PXYLP1: variants seen among roughly 807,000 people sequenced by gnomAD.
PXYLP1 encodes 2-phosphoxylose phosphatase 1, also known as acid phosphatase-like 2.
In PXYLP1, 17 loss-of-function variants were observed where a neutral mutation model predicts 37.9. The observed-to-expected ratio is 0.45, with a 90% confidence interval of 0.31 to 0.67. The LOEUF is 0.67. Among genes scored for constraint, PXYLP1 ranks in the 30% least tolerant of loss-of-function variants. The probability of loss-of-function intolerance (pLI) is 0.07; values close to 1 mark genes in which losing one functional copy is unlikely to be tolerated. For missense variants in PXYLP1, 511 were observed against 612.0 expected, an observed-to-expected ratio of 0.84 and a Z score of 1.74; for synonymous variants, 221 against 232.2, an observed-to-expected ratio of 0.95 and a Z score of 0.44.
intron 1 of PXYLP1, among the ~76,000 whole-genome samples, 159 bp from the exon 2 acceptor site, chr3:141,259,964 A>G (rs1482624239): frequency 6.6e-6 from 1 of 152,220 alleles, no homozygotes; most frequent in Non-Finnish European, 1.5e-5. Flanking sequence ...AAGACTAATC[A>G]TAGAGCATGC....
At chr3:141,272,928 T>C (rs1941701767) in intron 2 of PXYLP1, 1 of 940,232 alleles carries the variant, frequency 1.1e-6, no homozygotes, top group African/African-American at 1.8e-5. Flanking sequence ...CAAGGAGCAA[T>C]ACTTTGTGTT....
At chr3:141,268,949 A>C (rs1453621001) in intron 2 of PXYLP1, among the ~76,000 whole-genome samples, 1 of 152,150 alleles carries the variant, frequency 6.6e-6, no homozygotes, top group African/African-American at 2.4e-5. Flanking sequence ...GTGTCATCCG[A>C]GGGGCTGGAC....
intron 1 of PXYLP1, among the ~76,000 whole-genome samples, chr3:141,248,579 GTA>G (rs1298344315): frequency 1.1e-5 from 1 of 87,492 alleles, no homozygotes; most frequent in African/African-American, 5.8e-5. Context: ...ATACACACAT[GTA>G]TATATACACA....
At chr3:141,232,047 C>G (rs2107839225) in intron 1 of PXYLP1, 136 bp downstream of exon 1, 1 of 152,416 alleles carries the variant, frequency 6.6e-6, no homozygotes, top group South Asian at 2.1e-4. Flanking sequence ...GGGAGAGGGG[C>G]GGGAAGGCTG....
chr3:141,238,066 C>G (rs1940702474), intron 1 of PXYLP1, among the ~76,000 whole-genome samples: 2 of 152,310 alleles, frequency 1.3e-5, no homozygotes, highest in African/African-American at 4.8e-5. Context: ...TGGACTGGCT[C>G]TTCAGCAGCC....
chr3:141,265,563 G>C (rs918625096), intron 2 of PXYLP1, among the ~76,000 whole-genome samples: 1 of 151,990 alleles, frequency 6.6e-6, no homozygotes, highest in Non-Finnish European at 1.5e-5. Flanking sequence ...CCCAATGAAG[G>C]TATTGACCCT....
chr3:141,232,678 C>CAGAG (rs748328605), intron 1 of PXYLP1, among the ~76,000 whole-genome samples: 622 of 151,806 alleles, frequency 4.1e-3, no homozygotes, highest in Non-Finnish European at 7.0e-3. Context: ...CACACACACA[C>CAGAG]ACAGAGAGAG....
At chr3:141,255,203 T>G (rs926134780) in intron 1 of PXYLP1, among the ~76,000 whole-genome samples, 3 of 152,242 alleles carry the variant, frequency 2.0e-5, no homozygotes, top group African/African-American at 7.2e-5. Context: ...TTAGCTGGGT[T>G]TTCTGTTTTT....
chr3:141,238,731 G>A (rs1011357404), intron 1 of PXYLP1, among the ~76,000 whole-genome samples: 2 of 151,882 alleles, frequency 1.3e-5, no homozygotes, highest in Middle Eastern at 3.4e-3. Context: ...AAGCCTTACT[G>A]ATAATGCAGT....
chr3:141,262,831 C>T (rs1489280361), intron 2 of PXYLP1: 4 of 811,266 alleles, frequency 4.9e-6, no homozygotes, highest in African/African-American at 1.7e-5. Context: ...AGAAACAGCA[C>T]TAATTCATAA....
At chr3:141,289,344 G>T (rs546604009) in intron 5 of PXYLP1, among the ~76,000 whole-genome samples, 2 of 152,156 alleles carry the variant, frequency 1.3e-5, no homozygotes, top group Admixed American at 1.3e-4. Flanking sequence ...AATGTCTCAT[G>T]CTGCATTCAA....
intron 1 of PXYLP1, among the ~76,000 whole-genome samples, chr3:141,243,737 G>T (rs1388133550): frequency 1.3e-5 from 2 of 152,154 alleles, no homozygotes; most frequent in Non-Finnish European, 1.5e-5. Context: ...TGCTAAGTGG[G>T]GCACGAGGCC....
At chr3:141,253,860 T>G (rs1941199303) in intron 1 of PXYLP1, among the ~76,000 whole-genome samples, 1 of 76,292 alleles carries the variant, frequency 1.3e-5, no homozygotes, top group African/African-American at 4.4e-5. Flanking sequence ...TATATATATC[T>G]AATATATATT....
chr3:141,248,837 GTATATATACACACGTA>G lies in PXYLP1; in HGVS notation c.-53-11261_-53-11246del, dbSNP rs1380556379. Among the ~76,000 whole-genome samples the G allele has an allele frequency of 9.3e-4, 103 of 110,234 alleles. 15 individuals carry two copies. Among genetic ancestry groups the G allele is most frequent in the African/African-American group, 3.4e-3 (97 of 28,830 alleles). 72.3% of individuals were successfully genotyped at this position (110,234 alleles called of 152,430 possible). ...CACACGTATATATATACACACACGT[GTATATATACACACGTA>G]TATATATACACACGTATATATATAT... On this transcript the variant is annotated intron_variant, in intron 1 of 5. Transcript: ENST00000286353.
At chr3:141,267,346 G>C (rs541626985) in intron 2 of PXYLP1, 5 of 152,252 alleles carry the variant, frequency 3.3e-5, no homozygotes, top group East Asian at 1.9e-4. Context: ...TATTCTAAAA[G>C]CCCCAATGCG....
chr3:141,270,773 GGGT>G (rs1487657519), intron 2 of PXYLP1, among the ~76,000 whole-genome samples: 2 of 152,320 alleles, frequency 1.3e-5, no homozygotes, highest in Non-Finnish European at 2.9e-5. Flanking sequence ...TTTTGTGAAG[GGGT>G]GGACGCAGGG....
At chr3:141,270,525 G>T (rs1559889935) in intron 2 of PXYLP1, among the ~76,000 whole-genome samples, 2 of 152,240 alleles carry the variant, frequency 1.3e-5, no homozygotes, top group East Asian at 3.8e-4. Context: ...AGCACTAAGG[G>T]AATTGTGGGA....
chr3:141,238,348 C>T (rs912631290), intron 1 of PXYLP1, among the ~76,000 whole-genome samples: 3 of 152,200 alleles, frequency 2.0e-5, no homozygotes, highest in African/African-American at 7.2e-5. Context: ...GCAGCCTGCC[C>T]GACTAGCACC....
chr3:141,259,874 A>G (rs994217277), intron 1 of PXYLP1, among the ~76,000 whole-genome samples: 15 of 152,136 alleles, frequency 9.9e-5, no homozygotes, highest in Admixed American at 2.0e-4. Flanking sequence ...TTCCTTGTTG[A>G]TGTCAGATAA....
Sources: allele counts gnomAD v4.1 joint callset (sites outside exome capture counted in the v4.1 genomes callset), GRCh38; gene constraint gnomAD v4.1.1; transcripts MANE v1.5; gene names NCBI Gene and HGNC (gene_info 2026-07-23, HGNC 2026-07-21).